APPBP2: variants seen among roughly 807,000 people sequenced by gnomAD.
APPBP2 encodes the protein amyloid beta precursor protein binding protein 2.
In APPBP2, 15 loss-of-function variants were observed where a neutral mutation model predicts 76.0. That is an observed-to-expected ratio of 0.20 (90% CI 0.13 to 0.30). The LOEUF is 0.30. Among genes scored for constraint, APPBP2 ranks in the 10% least tolerant of loss-of-function variants. APPBP2 has a pLI of 1.00. For missense variants in APPBP2, 401 were observed against 687.2 expected, an observed-to-expected ratio of 0.58 and a Z score of 4.66; for synonymous variants, 222 against 242.2, an observed-to-expected ratio of 0.92 and a Z score of 0.77.
At chr17:60,478,103 T>C (rs2090603797) in intron 4 of APPBP2, among the ~76,000 whole-genome samples, 1 of 152,122 alleles carries the variant, frequency 6.6e-6, no homozygotes. Context: ...ACCTAGGAAA[T>C]ATGAACCTTA....
chr17:60,505,676 GTTTTTTTTTTTTT>G (rs1170935393), intron 1 of APPBP2, among the ~76,000 whole-genome samples: 15 of 85,710 alleles, frequency 1.8e-4, no homozygotes, highest in East Asian at 1.6e-3. Context: ...GACCCCTGCG[GTTTTTTTTTTTTT>G]TTTTTTTTTT....
chr17:60,482,357 T>C (rs916089489), intron 3 of APPBP2, among the ~76,000 whole-genome samples: 13 of 152,212 alleles, frequency 8.5e-5, no homozygotes, highest in Admixed American at 7.9e-4. Flanking sequence ...AGATGTGGCC[T>C]GTCAGAAAAG....
At chr17:60,507,075 T>G (rs2090874169) in intron 1 of APPBP2, among the ~76,000 whole-genome samples, 4 of 152,014 alleles carry the variant, frequency 2.6e-5, no homozygotes, top group Admixed American at 1.3e-4. Flanking sequence ...TTTCAAAAAT[T>G]TTAGATTCAG....
At chr17:60,481,439 AT>A (rs1472320235) in intron 3 of APPBP2, among the ~76,000 whole-genome samples, 1 of 152,148 alleles carries the variant, frequency 6.6e-6, no homozygotes, top group Non-Finnish European at 1.5e-5. Context: ...ATAAATAAAT[AT>A]TTTTTATGCT....
intron 1 of APPBP2, among the ~76,000 whole-genome samples, chr17:60,505,789 T>C (rs1375627730): frequency 7.1e-6 from 1 of 140,756 alleles, no homozygotes; most frequent in African/African-American, 2.7e-5. Flanking sequence ...GTTCAAGCAA[T>C]TCTCATGCCT....
intron 1 of APPBP2, among the ~76,000 whole-genome samples, chr17:60,520,422 A>T (rs551755790): frequency 1.3e-5 from 2 of 152,052 alleles, no homozygotes; most frequent in East Asian, 1.9e-4. Flanking sequence ...AAAATACAAA[A>T]ATCAGCTGGA....
chr17:60,453,999 G>C (rs143783978), intron 11 of APPBP2, among the ~76,000 whole-genome samples: 3 of 152,104 alleles, frequency 2.0e-5, no homozygotes, highest in Non-Finnish European at 4.4e-5. Flanking sequence ...AGTCTTCCAA[G>C]TAGGTAGGAA....
chr17:60,483,001 G>A (rs971002098), intron 3 of APPBP2, among the ~76,000 whole-genome samples: 3 of 152,100 alleles, frequency 2.0e-5, no homozygotes, highest in Admixed American at 6.6e-5. Flanking sequence ...TTGAGGAATC[G>A]CCACACTGTC....
intron 4 of APPBP2, among the ~76,000 whole-genome samples, chr17:60,467,693 A>G (rs1277316037): frequency 6.6e-6 from 1 of 152,220 alleles, no homozygotes; most frequent in Non-Finnish European, 1.5e-5. Context: ...GAAAGGAGGT[A>G]TTTAGGGTAG....
chr17:60,466,548 G>T, intron 4 of APPBP2, 89 bp from the exon 5 acceptor site: 1 of 1,282,276 alleles, frequency 7.8e-7, no homozygotes, highest in Non-Finnish European at 1.1e-6. Context: ...AATGACTTAA[G>T]GTAATTAAAT....
intron 11 of APPBP2, 116 bp downstream of exon 11, chr17:60,454,186 T>C: frequency 1.3e-6 from 1 of 765,680 alleles, no homozygotes; most frequent in Admixed American, 3.5e-5. Context: ...ACTCACTATC[T>C]TCTCAATTCC....
intron 1 of APPBP2, among the ~76,000 whole-genome samples, chr17:60,524,607 T>G (rs1598380892): frequency 9.1e-6 from 1 of 109,380 alleles, no homozygotes; most frequent in African/African-American, 4.4e-5. Context: ...AACTGCTAAT[T>G]CTGAAAAAAA....
chr17:60,480,972 A>T (rs147975680), intron 3 of APPBP2, among the ~76,000 whole-genome samples: 56 of 152,140 alleles, frequency 3.7e-4, no homozygotes, highest in African/African-American at 1.3e-3. Context: ...AATAGTCAAT[A>T]CCAGTTGCAG....
chr17:60,505,305 T>C (rs2090857371), intron 1 of APPBP2, among the ~76,000 whole-genome samples: 1 of 152,222 alleles, frequency 6.6e-6, no homozygotes, highest in Non-Finnish European at 1.5e-5. Flanking sequence ...ACCCCCAATG[T>C]AGAACATAAT....
chr17:60,496,525 G>A (rs2090776662), intron 2 of APPBP2: 1 of 152,100 alleles, frequency 6.6e-6, no homozygotes, highest in South Asian at 2.1e-4. Flanking sequence ...ATCCCCAAAA[G>A]CTATCCTTTC....
intron 3 of APPBP2, among the ~76,000 whole-genome samples, chr17:60,486,567 T>G (rs567203238): frequency 6.6e-6 from 1 of 152,344 alleles, no homozygotes; most frequent in African/African-American, 2.4e-5. Context: ...TCCATCCCTT[T>G]ATTTTGAGCC....
intron 3 of APPBP2, among the ~76,000 whole-genome samples, chr17:60,481,163 C>A (rs74963889): frequency 0.082 from 12,501 of 152,194 alleles, 1,698 homozygotes; most frequent in African/African-American, 0.28. Flanking sequence ...CCAACTCCTA[C>A]TTTTTAATAA....
chr17:60,466,542 A>T (rs2090513054), intron 4 of APPBP2, 83 bp from the exon 5 acceptor site: 6 of 1,301,224 alleles, frequency 4.6e-6, no homozygotes, highest in African/African-American at 2.9e-5. Flanking sequence ...CACCTGAATG[A>T]CTTAAGGTAA....
In APPBP2 at chr17:60,479,370, C is replaced by T. The variant is rs114641561; in HGVS notation, c.380-99G>A. On this transcript the variant is annotated intron_variant, in intron 3 of 12. Transcript: ENST00000083182. Reference sequence around the variant, plus strand: ...GAATATTACCTAAATTAAAAATAAACCATGATAGTAAAATCTTGTGTTTAG... The same window carrying T: ...GAATATTACCTAAATTAAAAATAAATCATGATAGTAAAATCTTGTGTTTAG... 4.2e-3 allele frequency: 5,191 copies of T among 1,243,580 alleles called. 157 individuals carry two copies. The African/African-American group carries it at 0.067, about 16-fold the overall frequency. 77.0% of individuals were successfully genotyped at this position (1,243,580 alleles called of 1,614,324 possible). A position where few individuals can be genotyped will look rare whatever the true frequency, so the allele number is the denominator to read the frequency against.
Sources: gnomAD v4.1 joint callset for allele counts (sites outside exome capture counted in the v4.1 genomes callset) on GRCh38, gnomAD v4.1.1 for gene constraint, MANE v1.5 for transcripts, NCBI Gene and HGNC (gene_info 2026-07-23, HGNC 2026-07-21) for gene names.